ANO6: variants seen among roughly 807,000 people sequenced by gnomAD.
The protein encoded by ANO6 is anoctamin 6.
A neutral mutation model predicts 117.5 loss-of-function variants in ANO6; 106 were observed. The observed-to-expected ratio is 0.90, with a 90% CI of 0.77 to 1.06. The LOEUF (loss-of-function observed/expected upper bound fraction) is 1.06. Ranked by LOEUF, ANO6 falls within the 50% of genes least tolerant of loss-of-function variation. ANO6 has a pLI of 0.00. For missense variants in ANO6, 955 were observed against 1,121.1 expected (o/e 0.85, Z 2.12); for synonymous variants, 367 against 385.1 (o/e 0.95, Z 0.55).
chr12:45,373,533 A>G lies in ANO6; in HGVS notation c.1105-4520A>G, dbSNP rs1029066930. Among the ~76,000 whole-genome samples the G allele has an allele frequency of 1.8e-4, 27 of 152,236 alleles. 1 individual carries two copies. The highest frequency in any genetic ancestry group is 2.0e-4 in the Admixed American group (3 of 15,290). On this transcript the variant is annotated intron_variant, in intron 9 of 19. Transcript: ENST00000320560. ...TATCTCTCAGACCACAGTGCAATAA[A>G]ACTAGAACTCAGGATTAAGAAACTC... is the stretch of plus-strand genomic sequence containing the variant.
At chr12:45,390,192 G>C (rs1942404926) in intron 11 of ANO6, among the ~76,000 whole-genome samples, 1 of 152,158 alleles carries the variant, frequency 6.6e-6, no homozygotes, top group Non-Finnish European at 1.5e-5. Context: ...CCGATAAACA[G>C]TTTATTCATG....
chr12:45,438,761 G>T (rs1203472388), intron 19 of ANO6, among the ~76,000 whole-genome samples: 1 of 152,122 alleles, frequency 6.6e-6, no homozygotes, highest in Admixed American at 6.5e-5. Flanking sequence ...TGCAAAAAGT[G>T]ATCAGAACTA....
At chr12:45,258,334 A>G (rs957095156) in intron 1 of ANO6, among the ~76,000 whole-genome samples, 3 of 152,242 alleles carry the variant, frequency 2.0e-5, no homozygotes, top group African/African-American at 7.2e-5. Context: ...ACACATAAGG[A>G]TGAGAGAATA....
intron 1 of ANO6, among the ~76,000 whole-genome samples, chr12:45,245,612 T>C (rs1410551031): frequency 2.0e-5 from 3 of 152,244 alleles, no homozygotes; most frequent in African/African-American, 7.2e-5. Context: ...GATATTAGAA[T>C]GCCTGAATTA....
At chr12:45,245,817 T>C (rs1019069678) in intron 1 of ANO6, among the ~76,000 whole-genome samples, 3 of 152,128 alleles carry the variant, frequency 2.0e-5, no homozygotes, top group African/African-American at 7.2e-5. Context: ...ATGTGTAAAA[T>C]AACTTAATTA....
chr12:45,244,388 T>C (rs1458089411), intron 1 of ANO6, among the ~76,000 whole-genome samples: 2 of 119,128 alleles, frequency 1.7e-5, no homozygotes, highest in Non-Finnish European at 3.3e-5. Flanking sequence ...GGTTACTACA[T>C]AGGGCTTCTC....
chr12:45,322,912 C>T (rs764844115), intron 2 of ANO6, among the ~76,000 whole-genome samples: 1 of 152,024 alleles, frequency 6.6e-6, no homozygotes, highest in Non-Finnish European at 1.5e-5. Flanking sequence ...TCCTTTTTTC[C>T]AATAGCAGGA....
intron 1 of ANO6, among the ~76,000 whole-genome samples, chr12:45,225,494 AT>A (rs887488774): frequency 5.3e-4 from 78 of 146,140 alleles, no homozygotes; most frequent in Middle Eastern, 3.5e-3. Flanking sequence ...ACATTTTTAG[AT>A]TTTTTTTTTT....
chr12:45,357,429 C>G lies in ANO6; in HGVS notation c.998+5C>G, dbSNP rs138627790. The G allele has an allele frequency of 5.5e-4, 892 of 1,613,148 alleles. 3 individuals are homozygous for G. The African/African-American group carries it at 0.01, about 19-fold the overall frequency. On this transcript the variant is annotated splice_donor_5th_base_variant and intron_variant, in intron 8 of 19. Transcript: ENST00000320560. ...TCAAGATAACTGTACATGGAGGTAA[C>G]CTCTGTTTATTCCTTGTTGCCATGC... is the stretch of plus-strand genomic sequence containing the variant.
intron 8 of ANO6, among the ~76,000 whole-genome samples, chr12:45,365,473 T>G (rs1941660569): frequency 6.6e-6 from 1 of 152,196 alleles, no homozygotes; most frequent in Non-Finnish European, 1.5e-5. Context: ...TTTCAACACT[T>G]TGGTGATAGT....
intron 1 of ANO6, among the ~76,000 whole-genome samples, chr12:45,277,206 A>G (rs1938581956): frequency 6.6e-6 from 1 of 152,214 alleles, no homozygotes; most frequent in South Asian, 2.1e-4. Context: ...ATCAGTATGC[A>G]GTGTTTACTT....
intron 1 of ANO6, among the ~76,000 whole-genome samples, chr12:45,295,109 C>A (rs1458867169): frequency 1.3e-5 from 2 of 152,208 alleles, no homozygotes; most frequent in Admixed American, 1.3e-4. Context: ...TCTTATGATT[C>A]AAGTCCATTG....
intron 6 of ANO6, among the ~76,000 whole-genome samples, chr12:45,349,567 G>C (rs1490421987): frequency 6.6e-6 from 1 of 152,122 alleles, no homozygotes; most frequent in Non-Finnish European, 1.5e-5. Context: ...TTATCTGACT[G>C]TGTAAGACCA....
At chr12:45,217,617 G>T (rs1411937452) in intron 1 of ANO6, among the ~76,000 whole-genome samples, 1 of 152,104 alleles carries the variant, frequency 6.6e-6, no homozygotes, top group East Asian at 1.9e-4. Context: ...GTTTTTATAG[G>T]AGAGAAAACT....
At position 45,227,165 on chromosome 12, in the gene ANO6, T is replaced by G. The variant is rs541183005; in HGVS notation, c.70+10774T>G. ...CACCATGCCTGGCTAATTTTTTGTA[T>G]TTTTAGTAGAGACAAGGTTTCACCA... is the stretch of plus-strand genomic sequence containing the variant. On this transcript the variant is annotated intron_variant, in intron 1 of 19. Coordinates refer to ENST00000320560, the MANE Select transcript of ANO6 (RefSeq NM_001025356.3). 3.3e-5 allele frequency among the ~76,000 whole-genome samples: 5 copies of G among 152,042 alleles called. No individual in the cohort carries two copies. The South Asian group carries it at 6.2e-4, about 19-fold the overall frequency.
At chr12:45,325,784 AATAT>A (rs566844030) in intron 2 of ANO6, among the ~76,000 whole-genome samples, 43 of 152,190 alleles carry the variant, frequency 2.8e-4, no homozygotes, top group African/African-American at 9.1e-4. Flanking sequence ...AGGAAAGCCA[AATAT>A]ATATATATTT....
chr12:45,361,028 T>C (rs1941541957), intron 8 of ANO6, among the ~76,000 whole-genome samples: 1 of 152,232 alleles, frequency 6.6e-6, no homozygotes, highest in African/African-American at 2.4e-5. Context: ...AAGATTGTTT[T>C]GGCTGTTCTG....
intron 16 of ANO6, 112 bp from the exon 17 acceptor site, chr12:45,416,587 G>A: frequency 1.1e-6 from 1 of 895,506 alleles, no homozygotes; most frequent in Middle Eastern, 2.3e-4. Flanking sequence ...TACCACAGAT[G>A]TGTTTTCTCT....
intron 1 of ANO6, among the ~76,000 whole-genome samples, chr12:45,271,872 G>C (rs761542288): frequency 7.4e-4 from 113 of 152,262 alleles, no homozygotes; most frequent in Middle Eastern, 3.4e-3. Flanking sequence ...ATGTTAAGAT[G>C]GTGCAAACAG....
Sources: gnomAD v4.1 joint callset for allele counts (sites outside exome capture counted in the v4.1 genomes callset) on GRCh38, gnomAD v4.1.1 for gene constraint, MANE v1.5 for transcripts, NCBI Gene and HGNC (gene_info 2026-07-23, HGNC 2026-07-21) for gene names.